PHC3: variants seen among roughly 807,000 people sequenced by gnomAD.
The protein encoded by PHC3 is polyhomeotic-like protein 3.
In PHC3, 13 loss-of-function variants were observed where a neutral mutation model predicts 107.4. That is an observed-to-expected ratio of 0.12 (90% CI 0.08 to 0.19). The LOEUF is 0.19. Among genes scored for constraint, PHC3 ranks in the 10% least tolerant of loss-of-function variants. The pLI is 1.00. For missense variants in PHC3, 992 were observed against 1,210.9 expected, an observed-to-expected ratio of 0.82 and a Z score of 2.68; for synonymous variants, 456 against 427.4, an observed-to-expected ratio of 1.07 and a Z score of -0.83.
intron 7 of PHC3, among the ~76,000 whole-genome samples, chr3:170,134,148 A>T (rs987516510): frequency 1.7e-4 from 25 of 143,288 alleles, no homozygotes; most frequent in Non-Finnish European, 1.1e-4. Context: ...ACAGAGGTTT[A>T]AAAAAAAAAA....
intron 6 of PHC3, among the ~76,000 whole-genome samples, chr3:170,141,286 T>C (rs9850828): frequency 0.012 from 1,759 of 152,302 alleles, 31 homozygotes; most frequent in African/African-American, 0.04. Context: ...CTCACTGCCA[T>C]TTCAAAAGCA....
chr3:170,116,112 T>G (rs1718918943), intron 10 of PHC3, among the ~76,000 whole-genome samples: 1 of 152,234 alleles, frequency 6.6e-6, no homozygotes. Context: ...CTTCAAGTTG[T>G]AAGACCTGTA....
At chr3:170,107,982 T>C (rs1716895489) in intron 11 of PHC3, among the ~76,000 whole-genome samples, 1 of 152,140 alleles carries the variant, frequency 6.6e-6, no homozygotes, top group Non-Finnish European at 1.5e-5. Flanking sequence ...GCCCAAAAGG[T>C]AGTAGGCATT....
chr3:170,148,416 G>A (rs974882253), intron 5 of PHC3: 2 of 152,130 alleles, frequency 1.3e-5, no homozygotes. Context: ...TAAAATACAT[G>A]TCAACCAATT....
Position 170,142,498 on chromosome 3 carries a change from T to C in PHC3, c.672+2925A>G, listed in dbSNP as rs555308082. 2.6e-5 allele frequency among the ~76,000 whole-genome samples: 4 copies of C among 152,088 alleles called. No individual in the cohort carries two copies. In the South Asian group the frequency reaches 8.3e-4, roughly 31 times the overall value. On this transcript the variant is annotated intron_variant, in intron 6 of 14. Transcript: ENST00000495893. ...GTACTATTTACTGAGTGCCTGTAAA[T>C]GTTTTATACACTAAAGATACATATT...
chr3:170,178,922 T>C lies in PHC3; in HGVS notation c.31A>G (p.Thr11Ala), dbSNP rs756453698. 1.2e-6 allele frequency: 2 copies of C among 1,613,156 alleles called. No homozygotes were observed. The highest frequency in any genetic ancestry group is 2.2e-5 in the South Asian group (2 of 90,978). ...GGGTTTGGTTCAGTATCCATAGCTG[T>C]ACTATGGTCCTTAAATCTGGCAGGT... MAEAEFKDHS[T>A]AMDTEPNPGT... is the part of the protein sequence containing the mutation. Residue 11 changes from threonine (T) to alanine (A), a missense_variant, in exon 2 of 15, where the codon ACA (threonine) becomes GCA (alanine). By Grantham distance (58) the Thr-to-Ala change is moderately conservative. Coordinates refer to ENST00000495893, the MANE Select transcript of PHC3 (RefSeq NM_024947.4).
intron 6 of PHC3, among the ~76,000 whole-genome samples, chr3:170,141,459 T>G (rs1427402787): frequency 6.6e-6 from 1 of 152,234 alleles, no homozygotes; most frequent in Non-Finnish European, 1.5e-5. Flanking sequence ...TTTGACTCTA[T>G]TCACATTAAA....
intron 1 of PHC3, among the ~76,000 whole-genome samples, chr3:170,180,909 C>T (rs1328406024): frequency 6.6e-6 from 1 of 152,194 alleles, no homozygotes; most frequent in African/African-American, 2.4e-5. Context: ...CGAGGCCTGG[C>T]ACAAAAGAAC....
intron 7 of PHC3, among the ~76,000 whole-genome samples, chr3:170,134,872 G>C (rs1722810542): frequency 6.6e-6 from 1 of 152,112 alleles, no homozygotes; most frequent in African/African-American, 2.4e-5. Context: ...TAACTATAAA[G>C]GAAAGAGAAC....
Position 170,094,232 on chromosome 3 carries a change from A to G in PHC3, c.*2998T>C, listed in dbSNP as rs532432756. ...TCAAAGCTGCATAGCTGTGTCTTAC[A>G]CATGCCTACACAAGGCTTGATGAAT... On this transcript the variant is annotated 3_prime_UTR_variant, in exon 15 of 15. Transcript: ENST00000495893. The G allele has an allele frequency of 1.3e-5, 2 of 152,344 alleles. No homozygotes were observed. The highest frequency in any genetic ancestry group is 4.8e-5 in the African/African-American group (2 of 41,582). 9.4% of individuals were successfully genotyped at this position (152,344 alleles called of 1,614,324 possible). A position where few individuals can be genotyped will look rare whatever the true frequency, so the allele number is the denominator to read the frequency against.
At chr3:170,175,834 G>C (rs558470333) in intron 2 of PHC3, among the ~76,000 whole-genome samples, 1 of 151,516 alleles carries the variant, frequency 6.6e-6, no homozygotes, top group Non-Finnish European at 1.5e-5. Context: ...TGAGGCAGGA[G>C]AATCGCTTGG....
chr3:170,180,565 T>G (rs974350975), intron 1 of PHC3, among the ~76,000 whole-genome samples: 2 of 66,514 alleles, frequency 3.0e-5, no homozygotes, highest in Non-Finnish European at 6.1e-5. Flanking sequence ...TATGCTTCTG[T>G]TTTTTTTTTT....
At chr3:170,161,908 C>A (rs1450505624) in intron 4 of PHC3, among the ~76,000 whole-genome samples, 1 of 152,164 alleles carries the variant, frequency 6.6e-6, no homozygotes, top group Non-Finnish European at 1.5e-5. Context: ...CCTAAAGGTC[C>A]TATCTCTAAT....
intron 12 of PHC3, 117 bp from the exon 13 acceptor site, chr3:170,103,051 G>A (rs1271500451): frequency 1.9e-6 from 2 of 1,030,656 alleles, no homozygotes; most frequent in Non-Finnish European, 2.8e-6. Context: ...CATCATTAAT[G>A]AATGTAAGAC....
intron 8 of PHC3, among the ~76,000 whole-genome samples, chr3:170,127,528 C>A (rs1721526211): frequency 6.6e-6 from 1 of 152,084 alleles, no homozygotes; most frequent in African/African-American, 2.4e-5. Context: ...CTATTAAGAT[C>A]AGTAAGAATG....
At chr3:170,155,670 G>A (rs1398321933) in intron 4 of PHC3, among the ~76,000 whole-genome samples, 4 of 152,054 alleles carry the variant, frequency 2.6e-5, no homozygotes, top group African/African-American at 4.8e-5. Flanking sequence ...GCAGTGAGCC[G>A]AGATTGCAGC....
At chr3:170,119,062 G>GA (rs1277018061) in intron 9 of PHC3, among the ~76,000 whole-genome samples, 5 of 125,300 alleles carry the variant, frequency 4.0e-5, no homozygotes, top group South Asian at 2.5e-4. Context: ...AAAAGAAAAA[G>GA]AAAAGAAAAG....
At chr3:170,117,121 C>A in intron 10 of PHC3, 105 bp downstream of exon 10, 1 of 1,404,750 alleles carries the variant, frequency 7.1e-7, no homozygotes, top group Non-Finnish European at 9.8e-7. Context: ...GGACAACTTT[C>A]TTGAAATAAA....
In PHC3 at chr3:170,095,953, T is replaced by G. The variant is rs1039743678; in HGVS notation, c.*1277A>C. ...TGGTAAAGGAAGTAGGAATGTGCAT[T>G]CTAGCTAGTCCCAGCATGTTCAACA... On this transcript the variant is annotated 3_prime_UTR_variant, in exon 15 of 15. Transcript: ENST00000495893. The G allele has an allele frequency of 6.6e-6, 1 of 152,168 alleles. No individual in the cohort carries two copies. The highest frequency in any genetic ancestry group is 2.4e-5 in the African/African-American group (1 of 41,442). The allele number at this position is 152,168 out of a possible 1,614,324, so 9.4% of individuals were successfully genotyped here. A position where few individuals can be genotyped will look rare whatever the true frequency, so the allele number is the denominator to read the frequency against.
Sources: allele counts gnomAD v4.1 joint callset (sites outside exome capture counted in the v4.1 genomes callset), GRCh38; gene constraint gnomAD v4.1.1; transcripts MANE v1.5; gene names NCBI Gene and HGNC (gene_info 2026-07-23, HGNC 2026-07-21).